Variants in ANKZF1 observed in about 807,000 individuals in gnomAD.
ANKZF1 encodes ankyrin repeat and zinc finger peptidyl tRNA hydrolase 1.
Under a neutral mutation model 86.0 loss-of-function variants are expected in ANKZF1, and 84 were observed. The ratio of observed to expected loss-of-function variants is 0.98; its 90% CI spans 0.82 to 1.17. The LOEUF (loss-of-function observed/expected upper bound fraction) is 1.17. Among genes scored for constraint, ANKZF1 ranks in the 50% most tolerant of loss-of-function variants. ANKZF1 has a pLI of 0.00. For synonymous variants in ANKZF1, 331 were observed against 354.2 expected, an observed-to-expected ratio of 0.93 and a Z score of 0.74; for missense variants, 893 against 918.4, an observed-to-expected ratio of 0.97 and a Z score of 0.36.
chr2:219,232,387 G>T (rs1176707672), intron 4 of ANKZF1, 25 bp downstream of exon 4: 1 of 1,612,696 alleles, frequency 6.2e-7, no homozygotes, highest in South Asian at 1.1e-5. Flanking sequence ...GGGGACCTAT[G>T]TAGGAGTAGG....
In ANKZF1 at chr2:219,233,088, G is replaced by T; in HGVS notation, c.568G>T (p.Glu190Ter). 1 of 1,613,840 alleles carries T rather than the reference G, an allele frequency of 6.2e-7. No homozygotes were observed. The highest frequency in any genetic ancestry group is 8.5e-7 in the Non-Finnish European group (1 of 1,179,950). Residue 190 changes from glutamate to a stop codon, truncating the protein, a stop_gained, in exon 6 of 14, where the codon GAA becomes TAA. Coordinates refer to ENST00000323348, the MANE Select transcript of ANKZF1 (RefSeq NM_018089.3). LOFTEE classifies it high-confidence loss of function. ...CVLGPHQDPP[E>*]EAELLLQNLQ... The stretch of plus-strand genomic sequence containing the variant: ...CTTCTCTGTCATCAAGGATCCCCCA[G>T]AAGAGGCAGAACTGCTGCTACAGAA...
chr2:219,235,328 C>T lies in ANKZF1; in HGVS notation c.1691+16C>T, dbSNP rs776907359. Reference sequence around the variant, plus strand: ...CCACTGTGCAGTGAGTAAAGGTCCCCATCCTGAGTCATTTTGGGTATAGAG... The same window carrying T: ...CCACTGTGCAGTGAGTAAAGGTCCCTATCCTGAGTCATTTTGGGTATAGAG... On this transcript the variant is annotated intron_variant, in intron 10 of 13. Transcript: ENST00000323348. 7.5e-6 allele frequency: 12 copies of T among 1,602,274 alleles called. No homozygotes were observed. The highest frequency in any genetic ancestry group is 6.8e-5 in the Admixed American group (4 of 59,206).
chr2:219,236,150 G>C (rs1212725511), intron 13 of ANKZF1, 55 bp downstream of exon 13: 7 of 1,608,528 alleles, frequency 4.4e-6, no homozygotes, highest in Admixed American at 1.7e-5. Context: ...GGGACCATTG[G>C]GGGCAAGAGA....
In ANKZF1 at chr2:219,235,212, T is replaced by C. The variant is rs748531607; in HGVS notation, c.1591T>C (p.Leu531=). 5 of 1,613,836 alleles carry C rather than the reference T, an allele frequency of 3.1e-6. No homozygotes were observed. Among genetic ancestry groups the C allele is most frequent in the African/African-American group, 1.3e-5 (1 of 74,950 alleles). ...AGTTCTGTCTCTGCTCAGTGCCCCCTTGGGCTCCGGTGGCTTTACTCTCCT... is the reference window on the plus strand; with the variant it reads ...AGTTCTGTCTCTGCTCAGTGCCCCCCTGGGCTCCGGTGGCTTTACTCTCCT... ...PRVLSLLSAP[L]GSGGFTLLHA... Residue 531 remains leucine (L), a synonymous_variant, in exon 10 of 14, where the codon TTG becomes CTG. Coordinates refer to ENST00000323348, the MANE Select transcript of ANKZF1 (RefSeq NM_018089.3).
Position 219,233,568 on chromosome 2 carries a change from G to T in ANKZF1, c.819+135G>T, listed in dbSNP as rs888132327. On this transcript the variant is annotated intron_variant, in intron 7 of 13. Coordinates refer to ENST00000323348, the MANE Select transcript of ANKZF1 (RefSeq NM_018089.3). ...TTATAGGTAGACAAAGGTAGATGAGGGATTCCCCAGGAGCCTTAGTCCTCT... is the reference window on the plus strand; with the variant it reads ...TTATAGGTAGACAAAGGTAGATGAGTGATTCCCCAGGAGCCTTAGTCCTCT... 27 of 1,395,268 alleles carry T rather than the reference G, an allele frequency of 1.9e-5. No individual in the cohort carries two copies. The African/African-American group carries it at 3.5e-4, about 18-fold the overall frequency. The allele number at this position is 1,395,268 out of a possible 1,614,324, so 86.4% of individuals were successfully genotyped here.
Position 219,234,113 on chromosome 2 carries a change from G to C in ANKZF1, c.1049-20G>C, listed in dbSNP as rs1340149826. 1 of 1,603,232 alleles carries C rather than the reference G, an allele frequency of 6.2e-7. No homozygotes were observed. The highest frequency in any genetic ancestry group is 8.5e-7 in the Non-Finnish European group (1 of 1,177,092). On this transcript the variant is annotated intron_variant, in intron 8 of 13. Transcript: ENST00000323348. ...CTTCTCCTCAGCTAAGGTTGAGAAAGATCTTTTCTTTTATGGCAGAAGAAG... is the reference window on the plus strand; with the variant it reads ...CTTCTCCTCAGCTAAGGTTGAGAAACATCTTTTCTTTTATGGCAGAAGAAG...
rs1330868579 is a variant in ANKZF1, at chr2:219,233,842, G to A, written c.947G>A (p.Arg316Lys). 1 of 1,613,330 alleles carries A rather than the reference G, an allele frequency of 6.2e-7. No homozygotes were observed. The highest frequency in any genetic ancestry group is 8.5e-7 in the Non-Finnish European group (1 of 1,179,750). The change falls in exon 8 of 14, where the codon AGG (arginine) becomes AAG (lysine). Residue 316 changes from arginine to lysine, a missense_variant. Coordinates refer to ENST00000323348, the MANE Select transcript of ANKZF1 (RefSeq NM_018089.3). ...GGAGGCAAGGGAGCACCCCTGCAAAGGGGGGATCCCCGACTTTGGGATATC... is the reference window on the plus strand; with the variant it reads ...GGAGGCAAGGGAGCACCCCTGCAAAAGGGGGATCCCCGACTTTGGGATATC... ...FFGGKGAPLQ[R>K]GDPRLWDIPL...
In ANKZF1 at chr2:219,235,470, C is replaced by T; in HGVS notation, c.1692-4C>T. On this transcript the variant is annotated splice_polypyrimidine_tract_variant and splice_region_variant and intron_variant, in intron 10 of 13. Transcript: ENST00000323348. The stretch of plus-strand genomic sequence containing the variant: ...AAACCCATTTTTGGAGTTTTTGCAC[C>T]TAGGGACTCTCGGGCCCGGCCACCT... 1 of 1,613,684 alleles carries T rather than the reference C, an allele frequency of 6.2e-7. No individual in the cohort carries two copies. The highest frequency in any genetic ancestry group is 8.5e-7 in the Non-Finnish European group (1 of 1,179,850).
rs1951116878 is a variant in ANKZF1, at chr2:219,233,744, C to G, written c.849C>G (p.Ser283Arg). 8 of 1,613,670 alleles carry G rather than the reference C, an allele frequency of 5.0e-6. No homozygotes were observed. The East Asian group carries it at 1.8e-4, about 36-fold the overall frequency. The change falls in exon 8 of 14, where the codon AGC becomes AGG. Residue 283 changes from serine (S) to arginine (R), a missense_variant. By Grantham distance (110) the Ser-to-Arg change is moderately radical. Transcript: ENST00000323348. ...TTCGTGACCTGCTGGCAGGGCCAAGCTGGGCTAAGGCGCTGGAGGAGGCTG... is the reference window on the plus strand; with the variant it reads ...TTCGTGACCTGCTGGCAGGGCCAAGGTGGGCTAAGGCGCTGGAGGAGGCTG... ...KDVRDLLAGP[S>R]WAKALEEAGT...
At chr2:219,235,410 G>C (rs1389335816) in intron 10 of ANKZF1, 64 bp from the exon 11 acceptor site, 3 of 1,606,436 alleles carry the variant, frequency 1.9e-6, no homozygotes, top group Non-Finnish European at 2.6e-6. Flanking sequence ...CCCTTGGTCT[G>C]GTTGGGTGAT....
rs528694620 is a variant in ANKZF1 at position 219,231,961 on chromosome 2, T to C, written c.182T>C (p.Leu61Pro). The change falls in exon 3 of 14, where the codon CTA becomes CCA. Residue 61 changes from leucine to proline, a missense_variant. Leu to Pro is a moderately conservative substitution (Grantham distance 98). Transcript: ENST00000323348. ...SGERESPERK[L>P]LQGPMDISEK... ...GAGAGAGAAAGCCCAGAAAGAAAGC[T>C]ACTCCAGGGTCCTATGGATATTTCA... 1.4e-5 allele frequency: 23 copies of C among 1,613,984 alleles called. No homozygotes were observed. Among genetic ancestry groups the C allele is most frequent in the Non-Finnish European group, 1.6e-5 (19 of 1,180,006 alleles).
chr2:219,230,920 G>A (rs1951015307), intron 2 of ANKZF1: 1 of 152,290 alleles, frequency 6.6e-6, no homozygotes, highest in South Asian at 2.0e-4. Flanking sequence ...TGTATTTTTA[G>A]TAGAGACGGG....
At position 219,234,661 on chromosome 2, in the gene ANKZF1, G is replaced by A. The variant is rs543680332; in HGVS notation, c.1205-165G>A. 73 of 932,778 alleles carry A rather than the reference G, an allele frequency of 7.8e-5. No individual in the cohort carries two copies. The African/African-American group carries it at 1.1e-3, about 14-fold the overall frequency. The allele number at this position is 932,778 out of a possible 1,614,324, so 57.8% of individuals were successfully genotyped here. A position where few individuals can be genotyped will look rare whatever the true frequency, so the allele number is the denominator to read the frequency against. ...AGGGACTTGTTCTTGTCTGGGCTGA[G>A]AGCCTCATTTCTGCATGTGATATAA... is the stretch of plus-strand genomic sequence containing the variant. On this transcript the variant is annotated intron_variant, in intron 9 of 13. Coordinates refer to ENST00000323348, the MANE Select transcript of ANKZF1 (RefSeq NM_018089.3).
intron 9 of ANKZF1, 32 bp from the exon 10 acceptor site, chr2:219,234,794 A>T (rs1951153676): frequency 1.3e-6 from 2 of 1,587,324 alleles, no homozygotes; most frequent in East Asian, 4.5e-5. Flanking sequence ...AGTACTCCCT[A>T]GATGGATTTC....
Position 219,234,304 on chromosome 2 carries a change from G to A in ANKZF1, c.1204+16G>A. 1 of 1,613,782 alleles carries A rather than the reference G, an allele frequency of 6.2e-7. No individual in the cohort carries two copies. Among genetic ancestry groups the A allele is most frequent in the East Asian group, 2.2e-5 (1 of 44,888 alleles). On this transcript the variant is annotated intron_variant, in intron 9 of 13. Transcript: ENST00000323348. ...CCCAAACAGGGTTTGATTACTATCT[G>A]GCAACTGTCAGATCTGAGTTTCTGT... is the stretch of plus-strand genomic sequence containing the variant.
Position 219,230,362 on chromosome 2 carries a change from G to A in ANKZF1, c.105G>A (p.Ala35=), listed in dbSNP as rs1363768697. The change falls in exon 2 of 14, where the codon GCG becomes GCA. Residue 35 remains alanine, a synonymous_variant. Transcript: ENST00000323348. ...VFQGLSLVSH[A]PGEALARAPR... is the part of the protein sequence containing the mutation. ...AGGGCCTGAGCCTGGTGAGCCACGC[G>A]CCTGGGGAGGCTCTGGCCCGGGCTC... The A allele has an allele frequency of 6.2e-7, 1 of 1,613,602 alleles. No individual in the cohort carries two copies.
In ANKZF1 at chr2:219,234,197, GGAGA is replaced by G; in HGVS notation, c.1116_1119del (p.Lys374SerfsTer7). ...AGACACACTGGAAAACAGTAAGAGA[GGAGA>G]GAAAGAAGCCTACTGAGGAAGAAAT... On this transcript the variant is annotated frameshift_variant, in exon 9 of 14. Coordinates refer to ENST00000323348, the MANE Select transcript of ANKZF1 (RefSeq NM_018089.3). LOFTEE classifies it high-confidence loss of function. 1.9e-6 allele frequency: 3 copies of G among 1,614,128 alleles called. No homozygotes were observed. In the Middle Eastern group the frequency reaches 4.9e-4, roughly 266 times the overall value.
rs1951200095 is a variant in ANKZF1, at chr2:219,235,788, G to A, written c.1884G>A (p.Arg628=). The change falls in exon 12 of 14, where the codon CGG becomes CGA. Residue 628 remains arginine (R), a synonymous_variant. Coordinates refer to ENST00000323348, the MANE Select transcript of ANKZF1 (RefSeq NM_018089.3). The stretch of plus-strand genomic sequence containing the variant: ...AGCAGAAGGCAGCCCGGCGGCAACG[G>A]GAGGAACAGCAGCAGAGGCAGCAGG... ...KREQKAARRQ[R]EEQQQRQQEQ... is the part of the protein sequence containing the mutation. 1.2e-6 allele frequency: 2 copies of A among 1,614,098 alleles called. No homozygotes were observed. Among genetic ancestry groups the A allele is most frequent in the African/African-American group, 2.7e-5 (2 of 74,950 alleles).
Position 219,236,508 on chromosome 2 carries a change from A to G in ANKZF1, c.*63A>G. 6.6e-7 allele frequency: 1 copy of G among 1,512,716 alleles called. No individual in the cohort carries two copies. The highest frequency in any genetic ancestry group is 1.8e-4 in the Middle Eastern group (1 of 5,606). The allele number at this position is 1,512,716 out of a possible 1,614,324, so 93.7% of individuals were successfully genotyped here. A position where few individuals can be genotyped will look rare whatever the true frequency, so the allele number is the denominator to read the frequency against. On this transcript the variant is annotated 3_prime_UTR_variant, in exon 14 of 14. Transcript: ENST00000323348. ...GAGAGGGCACATTCACAGCAGCCCT[A>G]GGTTTTTTCTTCCCCGTGAAACCAG...
Sources: allele counts gnomAD v4.1 joint callset, GRCh38; gene constraint gnomAD v4.1.1; transcripts MANE v1.5; gene names NCBI Gene and HGNC (gene_info 2026-07-23, HGNC 2026-07-21).